CDHR2: variants seen among roughly 807,000 people sequenced by gnomAD.
CDHR2 encodes the protein cadherin-related family member 2.
In CDHR2, 104 loss-of-function variants were observed where a neutral mutation model predicts 138.6. That is an observed-to-expected ratio of 0.75 (90% CI 0.64 to 0.88). The LOEUF (loss-of-function observed/expected upper bound fraction) is 0.88. Among genes scored for constraint, CDHR2 ranks in the 40% least tolerant of loss-of-function variants. The pLI is 0.00. For synonymous variants in CDHR2, 755 were observed against 742.8 expected (o/e 1.02, Z -0.27); for missense variants, 1,624 against 1,727.6 (o/e 0.94, Z 1.06).
chr5:176,557,344 T>C (rs1757857061), intron 1 of CDHR2, among the ~76,000 whole-genome samples: 1 of 152,108 alleles, frequency 6.6e-6, no homozygotes, highest in South Asian at 2.1e-4. Context: ...TAGCTGGGAC[T>C]ACAGGCATGT....
In CDHR2 at chr5:176,589,426, C is replaced by T; in HGVS notation, c.3105C>T (p.Thr1035=). The change falls in exon 23 of 32, where the codon ACC becomes ACT. Residue 1035 remains threonine, a synonymous_variant. Transcript: ENST00000261944. ...RPSLGPFLEA[T]TTLNLFTVDQ... is the part of the protein sequence containing the mutation. ...CCTTGGGTCCTTTCCTGGAAGCCAC[C>T]ACCACCCTGAATGTGAGTGCTGGTC... 1 of 1,596,402 alleles carries T rather than the reference C, an allele frequency of 6.3e-7. No homozygotes were observed. Among genetic ancestry groups the T allele is most frequent in the Non-Finnish European group, 8.6e-7 (1 of 1,169,300 alleles).
At position 176,575,014 on chromosome 5, in the gene CDHR2, G is replaced by A. The variant is rs201737187; in HGVS notation, c.496-70G>A. On this transcript the variant is annotated intron_variant, in intron 7 of 31. Transcript: ENST00000261944. ...GTGGCAGAGCTGGGACCTTCCCTGC[G>A]TTGCTCAGAGTGGGGTCCTCGGTGC... 2.5e-3 allele frequency: 3,935 copies of A among 1,586,338 alleles called. 12 individuals are homozygous for A. Among genetic ancestry groups the A allele is most frequent in the South Asian group, 3.3e-3 (292 of 89,130 alleles).
chr5:176,587,460 AAT>A, intron 21 of CDHR2, among the ~76,000 whole-genome samples: 1 of 152,024 alleles, frequency 6.6e-6, no homozygotes, highest in African/African-American at 2.4e-5. Context: ...AAAAAAAATA[AAT>A]AAATAAATAA....
chr5:176,561,939 C>T lies in CDHR2; in HGVS notation c.-15-3399C>T, dbSNP rs116059547. ...ACAGGCATGAGCCACCGCACCCAGC[C>T]TTGGAGCTGGCTTTTAAAAATGAAG... On this transcript the variant is annotated intron_variant, in intron 1 of 31. Transcript: ENST00000261944. 6.5e-3 allele frequency among the ~76,000 whole-genome samples: 984 copies of T among 152,284 alleles called. 16 individuals carry two copies. The highest frequency in any genetic ancestry group is 0.023 in the African/African-American group (942 of 41,552).
At chr5:176,593,057 A>G (rs1370977000) in intron 31 of CDHR2, among the ~76,000 whole-genome samples, 3 of 152,180 alleles carry the variant, frequency 2.0e-5, no homozygotes, top group Non-Finnish European at 4.4e-5. Context: ...TGAGGATTAA[A>G]TAAGGGCAGG....
upstream of CDHR2, among the ~76,000 whole-genome samples, chr5:176,546,788 T>A (rs1757593028): frequency 6.7e-6 from 1 of 148,996 alleles, no homozygotes; most frequent in Non-Finnish European, 1.5e-5. Context: ...CCCAGCAGTC[T>A]GACCCCAGAG....
chr5:176,565,752 C>T lies in CDHR2; in HGVS notation c.124+9C>T, dbSNP rs749137863. On this transcript the variant is annotated intron_variant, in intron 3 of 31. Transcript: ENST00000261944. Reference sequence around the variant, plus strand: ...TGAGGACCTGCCTGTGGGTGAGTCCCGGTCCCTGTGTCTGCCCCATGTCAG... The same window carrying T: ...TGAGGACCTGCCTGTGGGTGAGTCCTGGTCCCTGTGTCTGCCCCATGTCAG... 1.9e-5 allele frequency: 30 copies of T among 1,611,634 alleles called. No individual in the cohort carries two copies. The highest frequency in any genetic ancestry group is 1.3e-4 in the East Asian group (6 of 44,758).
intron 19 of CDHR2, 101 bp downstream of exon 19, chr5:176,585,116 C>A (rs1362707098): frequency 7.4e-7 from 1 of 1,348,268 alleles, no homozygotes; most frequent in Non-Finnish European, 9.8e-7. Context: ...CAGATCTTGG[C>A]TCCAGCCCTT....
intron 5 of CDHR2, among the ~76,000 whole-genome samples, chr5:176,569,432 A>C (rs10072947): frequency 0.24 from 36,772 of 151,286 alleles, 4,723 homozygotes; most frequent in East Asian, 0.47. Context: ...TACAGGCGCC[A>C]GCCACCACGC....
In CDHR2 at chr5:176,553,605, G is replaced by A. The variant is rs542162775; in HGVS notation, c.-16+4191G>A. Among the ~76,000 whole-genome samples, 3 of 152,158 alleles carry A rather than the reference G, an allele frequency of 2.0e-5. No individual in the cohort carries two copies. The highest frequency in any genetic ancestry group is 2.0e-4 in the Admixed American group (3 of 15,280). On this transcript the variant is annotated intron_variant, in intron 1 of 31. Transcript: ENST00000261944. The surrounding 1 kb of genome is among the most constrained non-coding windows in gnomAD (Gnocchi z 4.3). Reference sequence around the variant, plus strand: ...GGAGGGAGGTAGGTTCCAGGTTACAGCCTCAGAGGGATGCCTGGGCTGGAC... The same window carrying A: ...GGAGGGAGGTAGGTTCCAGGTTACAACCTCAGAGGGATGCCTGGGCTGGAC...
At chr5:176,556,934 T>G in intron 1 of CDHR2, 1 of 148,586 alleles carries the variant, frequency 6.7e-6, no homozygotes, top group Admixed American at 6.7e-5. Context: ...TTTGGCCTCC[T>G]CCCCTCCCTC....
upstream of CDHR2, among the ~76,000 whole-genome samples, chr5:176,547,957 G>A (rs982103956): frequency 6.6e-6 from 1 of 152,174 alleles, no homozygotes; most frequent in African/African-American, 2.4e-5. Flanking sequence ...TGGGAAATGT[G>A]TCATCAGGCA....
upstream of CDHR2, among the ~76,000 whole-genome samples, chr5:176,549,098 C>A (rs1470916302): frequency 1.3e-5 from 2 of 152,208 alleles, no homozygotes; most frequent in Non-Finnish European, 2.9e-5. Flanking sequence ...AGTGTTGGGC[C>A]TTGTTCCCAG....
Position 176,553,817 on chromosome 5 carries a change from G to A in CDHR2, c.-16+4403G>A, listed in dbSNP as rs1395281023. Among the ~76,000 whole-genome samples the A allele has an allele frequency of 6.6e-6, 1 of 151,446 alleles. No homozygotes were observed. Among genetic ancestry groups the A allele is most frequent in the Admixed American group, 6.6e-5 (1 of 15,226 alleles). ...CAGCACACACATCATCAGCATGTCC[G>A]TCCCTACTTACCACCACCAGTGCCA... On this transcript the variant is annotated intron_variant, in intron 1 of 31. Coordinates refer to ENST00000261944, the MANE Select transcript of CDHR2 (RefSeq NM_017675.6). This position sits in a 1 kb window ranked among gnomAD's most constrained non-coding sequence, Gnocchi z 4.3.
chr5:176,557,605 G>T (rs113457865), intron 1 of CDHR2, among the ~76,000 whole-genome samples: 2 of 124,610 alleles, frequency 1.6e-5, no homozygotes, highest in Non-Finnish European at 1.6e-5. Flanking sequence ...TTGCTCTGTC[G>T]CCCGGGCTGG....
At chr5:176,551,890 A>T (rs1184360063) in intron 1 of CDHR2, among the ~76,000 whole-genome samples, 1 of 129,904 alleles carries the variant, frequency 7.7e-6, no homozygotes, top group Admixed American at 7.9e-5. Flanking sequence ...TTTTTGGGGA[A>T]CTTTTAGTAG....
chr5:176,559,347 C>T (rs779133273), intron 1 of CDHR2, among the ~76,000 whole-genome samples: 6 of 152,222 alleles, frequency 3.9e-5, no homozygotes, highest in Non-Finnish European at 7.3e-5. Context: ...CGAAAAGCCC[C>T]ATAACCTTCT....
intron 1 of CDHR2, among the ~76,000 whole-genome samples, chr5:176,558,099 G>A (rs894778656): frequency 2.6e-5 from 4 of 152,090 alleles, no homozygotes; most frequent in South Asian, 2.1e-4. Flanking sequence ...GTAGTCCATC[G>A]ACCATGGGAA....
At chr5:176,566,547 G>A (rs565313094) in intron 3 of CDHR2, among the ~76,000 whole-genome samples, 31 of 152,192 alleles carry the variant, frequency 2.0e-4, no homozygotes, top group African/African-American at 7.0e-4. Context: ...CCAGGAGCCC[G>A]GACGGAGCTG....
Sources: gnomAD v4.1 joint callset for allele counts (sites outside exome capture counted in the v4.1 genomes callset) on GRCh38, gnomAD v4.1.1 for gene constraint, Gnocchi (gnomAD v3.1) non-coding constraint, MANE v1.5 for transcripts, NCBI Gene and HGNC (gene_info 2026-07-23, HGNC 2026-07-21) for gene names.